Variants in PRRC2C observed in about 807,000 individuals in gnomAD.
PRRC2C encodes proline rich coiled-coil 2C.
Under a neutral mutation model 317.2 loss-of-function variants are expected in PRRC2C, and 72 were observed. That is an observed-to-expected ratio of 0.23 (90% confidence interval 0.19 to 0.28). The LOEUF is 0.28. Ranked by LOEUF, PRRC2C falls within the 10% of genes least tolerant of loss-of-function variation. The probability of loss-of-function intolerance (pLI) is 1.00; values close to 1 mark genes in which losing one functional copy is unlikely to be tolerated. For synonymous variants in PRRC2C, 1,296 were observed against 1,205.9 expected (o/e 1.07, Z -1.55); for missense variants, 3,074 against 3,459.7 (o/e 0.89, Z 2.80).
rs149295642 is a variant in PRRC2C, at chr1:171,509,216, T to G, written c.-57-2816T>G. ...GATTTTTTAACCATTATTTTTCTCT[T>G]ATGCTGGACAGAATGTTTAGTAGGC... On this transcript the variant is annotated intron_variant, in intron 1 of 34. Coordinates refer to ENST00000647382, the MANE Select transcript of PRRC2C (RefSeq NM_001387844.1). 3.4e-3 allele frequency among the ~76,000 whole-genome samples: 525 copies of G among 152,286 alleles called. 7 individuals carry two copies. Among genetic ancestry groups the G allele is most frequent in the Admixed American group, 0.03 (456 of 15,288 alleles).
intron 18 of PRRC2C, among the ~76,000 whole-genome samples, chr1:171,553,956 G>A (rs540239221): frequency 2.2e-3 from 334 of 152,308 alleles, no homozygotes; most frequent in African/African-American, 7.7e-3. Context: ...GATTTGGGGT[G>A]GAGAGTTCTG....
chr1:171,502,342 C>A (rs1410261209), intron 1 of PRRC2C, among the ~76,000 whole-genome samples: 1 of 152,170 alleles, frequency 6.6e-6, no homozygotes, highest in Non-Finnish European at 1.5e-5. Context: ...ATTTAATTGC[C>A]TGGCATGGGG....
Position 171,545,703 on chromosome 1 carries a change from C to G in PRRC2C, c.4972+16C>G. The G allele has an allele frequency of 7.9e-7, 1 of 1,261,090 alleles. No homozygotes were observed. Among genetic ancestry groups the G allele is most frequent in the Non-Finnish European group, 1.0e-6 (1 of 968,038 alleles). The allele number at this position is 1,261,090 out of a possible 1,614,324, so 78.1% of individuals were successfully genotyped here. On this transcript the variant is annotated intron_variant, in intron 17 of 34. Coordinates refer to ENST00000647382, the MANE Select transcript of PRRC2C (RefSeq NM_001387844.1). ...AATTATGCAAGTATGTCTTAGGTTT[C>G]TTTCATTTTATTTATTTATTTATTT...
Position 171,571,368 on chromosome 1 carries a change from C to A in PRRC2C, c.6700C>A (p.Gln2234Lys). The change falls in exon 24 of 35, where the codon CAG becomes AAG. Residue 2234 changes from glutamine (Q) to lysine (K), a missense_variant. By Grantham distance (53) the Gln-to-Lys change is moderately conservative (BLOSUM62 1). Coordinates refer to ENST00000647382, the MANE Select transcript of PRRC2C (RefSeq NM_001387844.1). ...LPLPKRETIQ[Q>K]SSSLTSVPPT... ...CCTCCCTAAGAGGGAGACTATACAA[C>A]AGAGCTCCAGCCTAACTTCAGTTCC... The A allele has an allele frequency of 6.2e-7, 1 of 1,613,054 alleles. No individual in the cohort carries two copies. Among genetic ancestry groups the A allele is most frequent in the African/African-American group, 1.3e-5 (1 of 75,042 alleles).
chr1:171,536,126 C>T lies in PRRC2C; in HGVS notation c.2141C>T (p.Pro714Leu), dbSNP rs1451576158. The T allele has an allele frequency of 6.3e-7, 1 of 1,582,782 alleles. No homozygotes were observed. Among genetic ancestry groups the T allele is most frequent in the Non-Finnish European group, 8.6e-7 (1 of 1,163,092 alleles). The change falls in exon 14 of 35, where the codon CCA becomes CTA. Residue 714 changes from proline to leucine, a missense_variant. Transcript: ENST00000647382. ...SQPSSSTVPP[P>L]PHRPLYQPMQ... ...CCGTCCAGTAGTACTGTCCCTCCTC[C>T]ACCACACAGACCTCTTTATCAGCCT...
chr1:171,585,823 C>T (rs975162705), intron 30 of PRRC2C, among the ~76,000 whole-genome samples: 1 of 151,802 alleles, frequency 6.6e-6, no homozygotes, highest in Non-Finnish European at 1.5e-5. Context: ...TGTCTCTTAC[C>T]GAAATGCTTG....
chr1:171,511,557 G>A (rs531520410), intron 1 of PRRC2C: 7 of 152,258 alleles, frequency 4.6e-5, no homozygotes, highest in African/African-American at 1.4e-4. Flanking sequence ...AACATAGAAC[G>A]TTGTTTCTGT....
At chr1:171,533,695 C>T (rs994763809) in intron 12 of PRRC2C, among the ~76,000 whole-genome samples, 1 of 152,158 alleles carries the variant, frequency 6.6e-6, no homozygotes, top group African/African-American at 2.4e-5. Context: ...GGAATCTCAG[C>T]TCACTGCAAA....
Position 171,568,264 on chromosome 1 carries a change from T to C in PRRC2C, c.6576T>C (p.Tyr2192=), listed in dbSNP as rs1684050516. The C allele has an allele frequency of 6.2e-7, 1 of 1,609,866 alleles. No individual in the cohort carries two copies. The highest frequency in any genetic ancestry group is 1.3e-5 in the African/African-American group (1 of 74,910). Residue 2192 remains tyrosine (Y), a synonymous_variant, in exon 23 of 35, where the codon TAT becomes TAC. Coordinates refer to ENST00000647382, the MANE Select transcript of PRRC2C (RefSeq NM_001387844.1). ...GTNAKESVTD[Y]TTPSSSLPNT... ...CTTCACAGGAGTCTGTAACAGACTATACTACACCCTCTTCTTCTTTGCCTA... is the reference window on the plus strand; with the variant it reads ...CTTCACAGGAGTCTGTAACAGACTACACTACACCCTCTTCTTCTTTGCCTA...
intron 6 of PRRC2C, among the ~76,000 whole-genome samples, chr1:171,518,834 A>G (rs1397591123): frequency 6.6e-6 from 1 of 150,562 alleles, no homozygotes; most frequent in Non-Finnish European, 1.5e-5. Context: ...AATTTTAAAC[A>G]TGTACAAAAA....
At chr1:171,550,919 G>A (rs571732900) in intron 18 of PRRC2C, among the ~76,000 whole-genome samples, 3 of 152,144 alleles carry the variant, frequency 2.0e-5, no homozygotes, top group South Asian at 4.2e-4. Context: ...ATAGTGCCAC[G>A]ATAAATATAC....
At chr1:171,500,846 T>TAAAGA (rs996980942) in intron 1 of PRRC2C, among the ~76,000 whole-genome samples, 1 of 152,194 alleles carries the variant, frequency 6.6e-6, no homozygotes, top group Non-Finnish European at 1.5e-5. Context: ...ACAAAACTGT[T>TAAAGA]ACAAGGTAAT....
At chr1:171,577,124 A>G (rs1685828291) in intron 25 of PRRC2C, among the ~76,000 whole-genome samples, 1 of 152,238 alleles carries the variant, frequency 6.6e-6, no homozygotes, top group South Asian at 2.1e-4. Context: ...GATGATTAAA[A>G]AACAAATCAT....
chr1:171,502,760 C>T (rs886859903), intron 1 of PRRC2C, among the ~76,000 whole-genome samples: 3 of 152,098 alleles, frequency 2.0e-5, no homozygotes, highest in South Asian at 4.1e-4. Flanking sequence ...AGTTTTGCTC[C>T]GTACACAGGC....
intron 12 of PRRC2C, among the ~76,000 whole-genome samples, chr1:171,534,651 C>T (rs1218956930): frequency 6.6e-6 from 1 of 151,814 alleles, no homozygotes; most frequent in Admixed American, 6.6e-5. Context: ...GTCTCAAACT[C>T]CCAGGCTAAA....
chr1:171,511,453 A>G (rs562960240), intron 1 of PRRC2C: 5 of 152,290 alleles, frequency 3.3e-5, no homozygotes, highest in African/African-American at 4.8e-5. Flanking sequence ...AAAAATGGAT[A>G]CTATTTTTTG....
chr1:171,551,814 G>C (rs1680300885), intron 18 of PRRC2C, among the ~76,000 whole-genome samples: 1 of 152,084 alleles, frequency 6.6e-6, no homozygotes, highest in Admixed American at 6.5e-5. Context: ...CTGTTCCATT[G>C]GTCTGTATCT....
At chr1:171,571,272 G>A (rs376662026) in intron 23 of PRRC2C, 48 bp from the exon 24 acceptor site, 59 of 1,128,902 alleles carry the variant, frequency 5.2e-5, no homozygotes, top group Non-Finnish European at 7.0e-5. Flanking sequence ...TGGGGCTTTC[G>A]TAGTAGACAC....
chr1:171,523,255 G>A lies in PRRC2C; in HGVS notation c.868G>A (p.Ala290Thr), dbSNP rs1673948818. Residue 290 changes from alanine (A) to threonine (T), a missense_variant, in exon 8 of 35, where the codon GCC (alanine) becomes ACC (threonine). By Grantham distance (58) the Ala-to-Thr change is moderately conservative. Coordinates refer to ENST00000647382, the MANE Select transcript of PRRC2C (RefSeq NM_001387844.1). ...AGGAAGAGGCCCACCTCCTTCATGG[G>A]CCTCTGAGCCTGAACGCCCATCCAT... Reference protein sequence around the residue: ...LRGRGPPPSWASEPERPSILS... With the variant: ...LRGRGPPPSWTSEPERPSILS... The A allele has an allele frequency of 6.2e-7, 1 of 1,613,198 alleles. No individual in the cohort carries two copies. Among genetic ancestry groups the A allele is most frequent in the African/African-American group, 1.3e-5 (1 of 74,908 alleles).
Sources: gnomAD v4.1 joint callset for allele counts (sites outside exome capture counted in the v4.1 genomes callset) on GRCh38, gnomAD v4.1.1 for gene constraint, MANE v1.5 for transcripts, NCBI Gene and HGNC (gene_info 2026-07-23, HGNC 2026-07-21) for gene names.